Variants in SBNO1 observed in about 807,000 individuals in gnomAD.
SBNO1 encodes strawberry notch homolog 1, also known as protein strawberry notch homolog 1.
A neutral mutation model predicts 173.6 loss-of-function variants in SBNO1; 23 were observed. The observed-to-expected ratio is 0.13, with a 90% confidence interval of 0.10 to 0.19. The LOEUF is 0.19. Among genes scored for constraint, SBNO1 ranks in the 10% least tolerant of loss-of-function variants. SBNO1 has a pLI of 1.00. For synonymous variants in SBNO1, 632 were observed against 571.5 expected, an observed-to-expected ratio of 1.11 and a Z score of -1.51; for missense variants, 1,238 against 1,671.2, an observed-to-expected ratio of 0.74 and a Z score of 4.52.
At chr12:123,302,576 TG>T (rs1362663102) in intron 30 of SBNO1, among the ~76,000 whole-genome samples, 3 of 152,122 alleles carry the variant, frequency 2.0e-5, no homozygotes, top group Non-Finnish European at 2.9e-5. Context: ...GAAGGATAAC[TG>T]TTAAGGTCAT....
At chr12:123,321,193 C>T (rs1170672005) in intron 17 of SBNO1, among the ~76,000 whole-genome samples, 4 of 152,172 alleles carry the variant, frequency 2.6e-5, no homozygotes, top group African/African-American at 9.6e-5. Context: ...CCCACCTTAG[C>T]CTCCCAAATT....
chr12:123,323,715 C>G lies in SBNO1; in HGVS notation c.2090G>C (p.Ser697Thr). The G allele has an allele frequency of 6.2e-7, 1 of 1,610,952 alleles. No homozygotes were observed. ...APSNNSSPRD[S>T]PCKENKIKKR... ...CTTTATTTTATTTTCTTTACAAGGA[C>G]TATCTCTTGGCGAACTGTTGTTACT... Residue 697 changes from serine (S) to threonine (T), a missense_variant, in exon 16 of 32, where the codon AGT becomes ACT. Physicochemically the swap from Ser to Thr is moderately conservative, Grantham distance 58. Transcript: ENST00000602398.
Position 123,295,195 on chromosome 12 carries a change from A to G in SBNO1, c.*713T>C, listed in dbSNP as rs2048575102. ...CCTTGACCAGAAACCCAGGGCAGGGAGAAGGGGAAGGAGGGGTCTGCAGGG... is the reference window on the plus strand; with the variant it reads ...CCTTGACCAGAAACCCAGGGCAGGGGGAAGGGGAAGGAGGGGTCTGCAGGG... On this transcript the variant is annotated 3_prime_UTR_variant, in exon 32 of 32. Coordinates refer to ENST00000602398, the MANE Select transcript of SBNO1 (RefSeq NM_001167856.3). 1 of 152,202 alleles carries G rather than the reference A, an allele frequency of 6.6e-6. No homozygotes were observed. The highest frequency in any genetic ancestry group is 6.5e-5 in the Admixed American group (1 of 15,270). The allele number at this position is 152,202 out of a possible 1,614,324, so 9.4% of individuals were successfully genotyped here.
At chr12:123,296,289 G>A (rs917616276) in intron 31 of SBNO1, among the ~76,000 whole-genome samples, 2 of 152,214 alleles carry the variant, frequency 1.3e-5, no homozygotes, top group Non-Finnish European at 2.9e-5. Context: ...CTTGTTGGAG[G>A]AATAGGAAGT....
At chr12:123,340,837 C>G (rs963221825) in intron 5 of SBNO1, 151 bp downstream of exon 5, 1 of 601,822 alleles carries the variant, frequency 1.7e-6, no homozygotes, top group Non-Finnish European at 2.9e-6. Context: ...ATTACTCCAG[C>G]GAGGTTTAAG....
rs1593316752 is a variant in SBNO1 at position 123,298,101 on chromosome 12, C to T, written c.3916G>A (p.Val1306Ile). ...EIGLRCRTYY[V>I]LCGSVLSVWT... Reference sequence around the variant, plus strand: ...ACACTCAGCACTGAACCACATAATACATAATATGTACGGCAACGAAGACCT... The same window carrying T: ...ACACTCAGCACTGAACCACATAATATATAATATGTACGGCAACGAAGACCT... Residue 1306 changes from valine (V) to isoleucine (I), a missense_variant, in exon 31 of 32, where the codon GTA becomes ATA. Val to Ile is a conservative substitution (Grantham distance 29, BLOSUM62 3). This residue lies in a region of SBNO1 where 351 missense variants were observed against 420.3 expected (regional missense o/e 0.84). Coordinates refer to ENST00000602398, the MANE Select transcript of SBNO1 (RefSeq NM_001167856.3). 2 of 1,612,170 alleles carry T rather than the reference C, an allele frequency of 1.2e-6. No individual in the cohort carries two copies. The highest frequency in any genetic ancestry group is 2.2e-5 in the East Asian group (1 of 44,876).
At chr12:123,322,955 A>T (rs1375049271) in intron 16 of SBNO1, among the ~76,000 whole-genome samples, 1 of 152,184 alleles carries the variant, frequency 6.6e-6, no homozygotes, top group Non-Finnish European at 1.5e-5. Flanking sequence ...TCTATATATT[A>T]AAGAACAGGT....
In SBNO1 at chr12:123,327,968, T is replaced by C. The variant is rs767212233; in HGVS notation, c.1356A>G (p.Pro452=). ...KNLCPVGSSK[P]TKTGLAVLEL... is the part of the protein sequence containing the mutation. ...CTAAAACTGCTAAGCCTGTCTTGGT[T>C]GGCTTTGAAGAACCAACAGGACATA... is the stretch of plus-strand genomic sequence containing the variant. Residue 452 remains proline (P), a synonymous_variant, in exon 11 of 32, where the codon CCA becomes CCG. Transcript: ENST00000602398. The C allele has an allele frequency of 2.5e-6, 4 of 1,613,432 alleles. No homozygotes were observed. Among genetic ancestry groups the C allele is most frequent in the African/African-American group, 2.7e-5 (2 of 74,948 alleles).
At chr12:123,328,709 G>A in intron 10 of SBNO1, 25 bp downstream of exon 10, 1 of 1,441,620 alleles carries the variant, frequency 6.9e-7, no homozygotes, top group East Asian at 2.5e-5. Context: ...TTAAAAAATA[G>A]AAAAATATTT....
intron 30 of SBNO1, among the ~76,000 whole-genome samples, chr12:123,301,453 G>C (rs926369239): frequency 2.0e-5 from 3 of 152,032 alleles, no homozygotes; most frequent in African/African-American, 7.2e-5. Flanking sequence ...CAAACAAAAA[G>C]CCCCTCAAGC....
At chr12:123,303,922 C>CTTTTTTTTTTTTTTTTT (rs11413728) in intron 29 of SBNO1, among the ~76,000 whole-genome samples, 2 of 100,464 alleles carry the variant, frequency 2.0e-5, no homozygotes, top group Non-Finnish European at 1.8e-5. Flanking sequence ...AATAAGTATT[C>CTTTTTTTTTTTTTTTTT]TTTTTTTTTT....
At chr12:123,364,302 G>A (rs1875821399) in intron 1 of SBNO1, 1 of 985,652 alleles carries the variant, frequency 1.0e-6, no homozygotes, top group South Asian at 4.7e-5. Context: ...TACTTTCCCC[G>A]CGGGTCCCGG....
intron 15 of SBNO1, among the ~76,000 whole-genome samples, chr12:123,324,528 G>A (rs756094329): frequency 4.6e-5 from 7 of 151,930 alleles, no homozygotes; most frequent in Non-Finnish European, 1.0e-4. Flanking sequence ...CACCGTGTTG[G>A]CCAGGCTGGT....
At chr12:123,364,444 G>A (rs1875857461) in intron 1 of SBNO1, 3 of 985,510 alleles carry the variant, frequency 3.0e-6, no homozygotes, top group African/African-American at 1.7e-5. Flanking sequence ...GAGCCCGAAA[G>A]CCCCACGAGC....
At chr12:123,298,263 T>C in intron 30 of SBNO1, 92 bp from the exon 31 acceptor site, 1 of 1,290,366 alleles carries the variant, frequency 7.7e-7, no homozygotes, top group Admixed American at 2.7e-5. Flanking sequence ...CAAATTTCTT[T>C]TCTTTTCTTT....
chr12:123,359,115 A>G (rs1249015836), intron 1 of SBNO1, among the ~76,000 whole-genome samples: 1 of 151,840 alleles, frequency 6.6e-6, no homozygotes, highest in African/African-American at 2.4e-5. Context: ...TTGTATTTTT[A>G]GTACAGACAG....
At chr12:123,346,619 G>A (rs1157272423) in intron 3 of SBNO1, among the ~76,000 whole-genome samples, 5 of 152,082 alleles carry the variant, frequency 3.3e-5, no homozygotes, top group African/African-American at 7.2e-5. Flanking sequence ...CGCCGAGATC[G>A]CGCCACTGCA....
chr12:123,363,373 T>G lies in SBNO1; in HGVS notation c.-1+1328A>C, dbSNP rs116862878. ...CTAGAAAATATGGTGGAAAATAGAA[T>G]CCCTCTGTACTGTCAGCTCGCAGAA... On this transcript the variant is annotated intron_variant, in intron 1 of 31. Transcript: ENST00000602398. Among the ~76,000 whole-genome samples the G allele has an allele frequency of 1.9e-3, 293 of 152,236 alleles. 8 individuals are homozygous for G. In the East Asian group the frequency reaches 0.043, roughly 23 times the overall value.
intron 7 of SBNO1, among the ~76,000 whole-genome samples, chr12:123,332,693 A>C (rs1184493173): frequency 4.6e-5 from 7 of 151,930 alleles, no homozygotes; most frequent in Non-Finnish European, 8.8e-5. Context: ...TAGCTTCCCA[A>C]GTAGATGGCA....
Sources: gnomAD v4.1 joint callset for allele counts (sites outside exome capture counted in the v4.1 genomes callset) on GRCh38, gnomAD v4.1.1 for gene constraint, gnomAD v4.1.1 regional missense constraint, MANE v1.5 for transcripts, NCBI Gene and HGNC (gene_info 2026-07-23, HGNC 2026-07-21) for gene names.